Variants in RRM2 observed in about 807,000 individuals in gnomAD.
RRM2 encodes ribonucleotide reductase regulatory subunit M2.
Under a neutral mutation model 45.9 loss-of-function variants are expected in RRM2, and 6 were observed. The ratio of observed to expected loss-of-function variants is 0.13; its 90% CI spans 0.07 to 0.26. The LOEUF (loss-of-function observed/expected upper bound fraction) is 0.26. Ranked by LOEUF, RRM2 falls within the 10% of genes least tolerant of loss-of-function variation. The pLI, the probability that RRM2 is intolerant of heterozygous loss-of-function variation, is 1.00. For missense variants in RRM2, 343 were observed against 489.5 expected (o/e 0.70, Z 2.82); for synonymous variants, 177 against 173.0 (o/e 1.02, Z -0.18).
chr2:10,142,170 G>A, intron 2 of RRM2: 9 of 1,559,728 alleles, frequency 5.8e-6, no homozygotes. Context: ...AGAGTGAGGG[G>A]TGGGAGATGG....
chr2:10,190,295 G>T (rs1227574863), intron 3 of RRM2, among the ~76,000 whole-genome samples: 5 of 149,706 alleles, frequency 3.3e-5, no homozygotes, highest in Admixed American at 1.3e-4. Flanking sequence ...TGATGGTGGG[G>T]TTGGTGGTGA....
chr2:10,199,583 C>T (rs1259630221), intron 3 of RRM2, among the ~76,000 whole-genome samples: 3 of 151,660 alleles, frequency 2.0e-5, no homozygotes, highest in Non-Finnish European at 2.9e-5. Context: ...AGATCAAGAC[C>T]ATCCTGGCTA....
chr2:10,190,843 T>C (rs1038498140), intron 3 of RRM2, among the ~76,000 whole-genome samples: 3 of 151,914 alleles, frequency 2.0e-5, no homozygotes, highest in Admixed American at 6.6e-5. Context: ...ATGATGGTGA[T>C]GGCAGAGATG....
At chr2:10,151,768 T>C (rs1405560726) in intron 3 of RRM2, among the ~76,000 whole-genome samples, 5 of 152,218 alleles carry the variant, frequency 3.3e-5, no homozygotes, top group Non-Finnish European at 7.3e-5. Context: ...TGCCAACACT[T>C]GGCATGGCCA....
chr2:10,128,756 A>G (rs1184366147), intron 7 of RRM2, 92 bp from the exon 8 acceptor site: 6 of 883,076 alleles, frequency 6.8e-6, no homozygotes, highest in Non-Finnish European at 1.1e-5. Flanking sequence ...CATGTTGGAT[A>G]AGGAGAATGC....
chr2:10,198,364 G>C (rs561273094), intron 3 of RRM2, among the ~76,000 whole-genome samples: 1 of 151,834 alleles, frequency 6.6e-6, no homozygotes, highest in African/African-American at 2.4e-5. Context: ...ACGGGAGCTG[G>C]GAGACCCTGC....
At chr2:10,136,515 A>G (rs115792998), upstream of RRM2, among the ~76,000 whole-genome samples, 702 of 152,316 alleles carry the variant, frequency 4.6e-3, 4 homozygotes, top group African/African-American at 0.015. Flanking sequence ...AGTGCCTGCA[A>G]TGTCAACACT....
At position 10,131,390 on chromosome 2, in the gene RRM2, T is replaced by C. The variant is rs1558382543; in HGVS notation, c.*2004T>C. 1 of 152,204 alleles carries C rather than the reference T, an allele frequency of 6.6e-6. No individual in the cohort carries two copies. The highest frequency in any genetic ancestry group is 1.5e-5 in the Non-Finnish European group (1 of 68,040). 9.4% of individuals were successfully genotyped at this position (152,204 alleles called of 1,614,324 possible). On this transcript the variant is annotated 3_prime_UTR_variant, in exon 10 of 10. Transcript: ENST00000304567. ...TGAATAATGCACAAGTCTTAAGTGA[T>C]TAAAATAAAACTGTTCTTATGTCAG... is the stretch of plus-strand genomic sequence containing the variant.
In RRM2 at chr2:10,192,415, A is replaced by G. The variant is rs1664327447; in HGVS notation, n.483-17896A>G. Among the ~76,000 whole-genome samples the G allele has an allele frequency of 5.3e-5, 8 of 152,312 alleles. No homozygotes were observed. In the South Asian group the frequency reaches 1.7e-3, roughly 32 times the overall value. ...TGGTGACTCTAGAACCTCTCCCTAC[A>G]GCAGCTCGGGGAGCTCCAGCTCTGG... On this transcript the variant is annotated intron_variant and non_coding_transcript_variant, in intron 3 of 3. Transcript: ENST00000381786.
At chr2:10,164,211 G>A (rs1439518736) in intron 3 of RRM2, among the ~76,000 whole-genome samples, 1 of 152,152 alleles carries the variant, frequency 6.6e-6, no homozygotes, top group Non-Finnish European at 1.5e-5. Context: ...TTAAAGAGAG[G>A]CAGCAGAGTG....
intron 3 of RRM2, among the ~76,000 whole-genome samples, chr2:10,188,560 C>T (rs1416420996): frequency 1.3e-5 from 2 of 152,118 alleles, no homozygotes; most frequent in South Asian, 2.1e-4. Context: ...TCTCCAAATA[C>T]GTCCTGTTGA....
At chr2:10,194,137 A>G (rs1243526924) in intron 3 of RRM2, among the ~76,000 whole-genome samples, 1 of 152,198 alleles carries the variant, frequency 6.6e-6, no homozygotes, top group Non-Finnish European at 1.5e-5. Context: ...TGAAAGGAAA[A>G]GAAGATTTTA....
chr2:10,160,501 C>T (rs1663294687), intron 3 of RRM2, among the ~76,000 whole-genome samples: 1 of 152,248 alleles, frequency 6.6e-6, no homozygotes, highest in Non-Finnish European at 1.5e-5. Flanking sequence ...GGGAGCCATG[C>T]AGACCAGGGA....
chr2:10,193,606 T>C (rs1262558181), intron 3 of RRM2, among the ~76,000 whole-genome samples: 1 of 152,232 alleles, frequency 6.6e-6, no homozygotes, highest in Admixed American at 6.5e-5. Flanking sequence ...GAGGCGGTCC[T>C]TGTAGCAAAC....
Position 10,195,133 on chromosome 2 carries a change from G to T in RRM2, n.483-15178G>T, listed in dbSNP as rs928219782. On this transcript the variant is annotated intron_variant and non_coding_transcript_variant, in intron 3 of 3. Transcript: ENST00000381786. The surrounding 1 kb of genome is among the most constrained non-coding windows in gnomAD (Gnocchi z 4.9). ...CTTAGCAGGGTGGTGAGGGCCACAGGTGTGGTCTGAGCTCCTGGGGAGCTA... is the reference window on the plus strand; with the variant it reads ...CTTAGCAGGGTGGTGAGGGCCACAGTTGTGGTCTGAGCTCCTGGGGAGCTA... 2.6e-5 allele frequency among the ~76,000 whole-genome samples: 4 copies of T among 152,312 alleles called. No homozygotes were observed. Among genetic ancestry groups the T allele is most frequent in the African/African-American group, 7.2e-5 (3 of 41,556 alleles).
At chr2:10,203,483 G>A (rs1431133041) in intron 3 of RRM2, among the ~76,000 whole-genome samples, 2 of 152,294 alleles carry the variant, frequency 1.3e-5, no homozygotes, top group Admixed American at 1.3e-4. Context: ...AGGCACAGTG[G>A]CTCACGCCTG....
intron 1 of RRM2, chr2:10,141,647 A>G (rs1663080824): frequency 1.5e-6 from 1 of 655,928 alleles, no homozygotes; most frequent in Non-Finnish European, 2.6e-6. Context: ...GGAGGGTATG[A>G]TTAGCTCTGG....
intron 3 of RRM2, chr2:10,155,710 T>A (rs1237091269): frequency 6.6e-6 from 1 of 152,346 alleles, no homozygotes; most frequent in Non-Finnish European, 1.5e-5. Flanking sequence ...CCACTGGGCC[T>A]GACCTGGGAG....
In RRM2 at chr2:10,122,758, T is replaced by A; in HGVS notation, c.-41T>A. The stretch of plus-strand genomic sequence containing the variant: ...TCGCCCGTGCACCCTGTCCCAGCCG[T>A]CCTGTCCTGGCTGCTCGCTCTGCTT... On this transcript the variant is annotated 5_prime_UTR_variant, in exon 1 of 10. Coordinates refer to ENST00000304567, the MANE Select transcript of RRM2 (RefSeq NM_001034.4). 1 of 1,560,180 alleles carries A rather than the reference T, an allele frequency of 6.4e-7. No individual in the cohort carries two copies. The highest frequency in any genetic ancestry group is 8.7e-7 in the Non-Finnish European group (1 of 1,152,370).
Sources: gnomAD v4.1 joint callset for allele counts (sites outside exome capture counted in the v4.1 genomes callset) on GRCh38, gnomAD v4.1.1 for gene constraint, Gnocchi (gnomAD v3.1) non-coding constraint, MANE v1.5 for transcripts, NCBI Gene and HGNC (gene_info 2026-07-23, HGNC 2026-07-21) for gene names.